The following CD163L1 variants were observed in gnomAD, a reference collection of about 807,000 sequenced individuals.
CD163L1 encodes the protein scavenger receptor cysteine-rich type 1 protein M160.
CD163L1 carries 124 observed loss-of-function variants against 165.4 expected under a neutral mutation model. The ratio of observed to expected loss-of-function variants is 0.75; its 90% CI spans 0.65 to 0.87. The LOEUF (loss-of-function observed/expected upper bound fraction) is 0.87, where lower values mean the gene tolerates loss of function less well. CD163L1 is among the 40% of genes least tolerant of loss of function. The probability of loss-of-function intolerance (pLI) is 0.00; values close to 1 mark genes in which losing one functional copy is unlikely to be tolerated. For missense variants in CD163L1, 1,525 were observed against 1,799.9 expected (o/e 0.85, Z 2.76); for synonymous variants, 585 against 662.2 (o/e 0.88, Z 1.79).
At chr12:7,421,064 T>TATACGTATATATAC (rs1435429769) in intron 4 of CD163L1, among the ~76,000 whole-genome samples, 2 of 87,446 alleles carry the variant, frequency 2.3e-5, no homozygotes, top group East Asian at 4.5e-4. Flanking sequence ...TACGTATATA[T>TATACGTATATATAC]GTATATATAC....
chr12:7,385,787 A>G (rs971841461), intron 8 of CD163L1, among the ~76,000 whole-genome samples: 1 of 152,062 alleles, frequency 6.6e-6, no homozygotes, highest in Admixed American at 6.5e-5. Context: ...TAAGAAGGAA[A>G]TGAAAATATT....
intron 14 of CD163L1, among the ~76,000 whole-genome samples, chr12:7,371,464 A>G (rs1947144854): frequency 6.6e-6 from 1 of 152,190 alleles, no homozygotes; most frequent in Non-Finnish European, 1.5e-5. Flanking sequence ...TCCAATGCTA[A>G]TATCAACAAA....
At chr12:7,415,480 GGTTT>G (rs1291488445) in intron 4 of CD163L1, among the ~76,000 whole-genome samples, 6 of 152,098 alleles carry the variant, frequency 3.9e-5, no homozygotes, top group Non-Finnish European at 8.8e-5. Flanking sequence ...AGAACATGCA[GGTTT>G]GTTACACAGA....
rs779778756 is a variant in CD163L1 at position 7,444,099 on chromosome 12, A to T, written c.29T>A (p.Ile10Asn). 1 of 1,613,788 alleles carries T rather than the reference A, an allele frequency of 6.2e-7. No individual in the cohort carries two copies. Among genetic ancestry groups the T allele is most frequent in the East Asian group, 2.2e-5 (1 of 44,844 alleles). The change falls in exon 1 of 20, where the codon ATT becomes AAT. Residue 10 changes from isoleucine to asparagine, a missense_variant and splice_region_variant. Transcript: ENST00000313599. Reference protein sequence around the residue: MMLPQNSWHIDFGRCCCHQN... With the variant: MMLPQNSWHNDFGRCCCHQN... ...GCAAAATAAAAGCAAAACCTTACCA[A>T]TATGCCACGAGTTTTGAGGCAGCAT...
At chr12:7,325,537 C>T in the CD163L1 span, among the ~76,000 whole-genome samples, 2 of 152,114 alleles carry the variant, frequency 1.3e-5, no homozygotes, top group African/African-American at 2.4e-5. Flanking sequence ...ATCTCAGCTA[C>T]TTAGGAGGCT....
chr12:7,367,294 T>C lies in CD163L1; in HGVS notation c.4221A>G (p.Leu1407=). 6.2e-7 allele frequency: 1 copy of C among 1,613,552 alleles called. No homozygotes were observed. The change falls in exon 18 of 20, where the codon TTA becomes TTG. Residue 1407 remains leucine (L), a synonymous_variant. Coordinates refer to ENST00000313599, the MANE Select transcript of CD163L1 (RefSeq NM_174941.6). ...TGAGGCAGGTCTCCATCTCATGGAA[T>C]AAATTCTCCTCGAGAGAACCCCTCC... is the stretch of plus-strand genomic sequence containing the variant. The part of the protein sequence containing the change: ...TRRRGSLEEN[L]FHEMETCLKR...
rs145411783 is a variant in CD163L1 at position 7,396,373 on chromosome 12, C to A, written c.1772G>T (p.Arg591Leu). Residue 591 changes from arginine (R) to leucine (L), a missense_variant, in exon 8 of 20, where the codon CGC becomes CTC. Coordinates refer to ENST00000313599, the MANE Select transcript of CD163L1 (RefSeq NM_174941.6). ...GTACACCTCCAGTCTTCCCGAGCAG[C>A]GGTTGCTGCCGCCCACCAGCCTCAG... ...WGLRLVGGSN[R>L]CSGRLEVYFQ... The A allele has an allele frequency of 3.7e-3, 5,941 of 1,610,572 alleles. 23 individuals are homozygous for A. Among genetic ancestry groups the A allele is most frequent in the Non-Finnish European group, 3.9e-3 (4,618 of 1,177,430 alleles).
chr12:7,370,309 A>G (rs1947119023), intron 14 of CD163L1, among the ~76,000 whole-genome samples: 1 of 152,190 alleles, frequency 6.6e-6, no homozygotes, highest in African/African-American at 2.4e-5. Flanking sequence ...AACCGGGGTC[A>G]TTTTAAACTT....
In CD163L1 at chr12:7,373,340, T is replaced by C; in HGVS notation, c.3710A>G (p.Glu1237Gly). 1 of 1,612,298 alleles carries C rather than the reference T, an allele frequency of 6.2e-7. No individual in the cohort carries two copies. The highest frequency in any genetic ancestry group is 2.2e-5 in the East Asian group (1 of 44,852). Residue 1237 changes from glutamate to glycine, a missense_variant, in exon 14 of 20, where the codon GAG becomes GGG. Glu to Gly is a moderately conservative substitution (Grantham distance 98). Coordinates refer to ENST00000313599, the MANE Select transcript of CD163L1 (RefSeq NM_174941.6). ...WERRISSPAE[E>G]TWITCEDRIR... ...CCCACCTTCACATGTGATCCAGGTC[T>C]CTTCTGCTGGGCTGGAGATTCTTCG...
intron 2 of CD163L1, among the ~76,000 whole-genome samples, chr12:7,434,066 C>T (rs1948679493): frequency 6.6e-6 from 1 of 152,132 alleles, no homozygotes; most frequent in African/African-American, 2.4e-5. Context: ...TCTGAGGAGT[C>T]CACCTCACAT....
chr12:7,376,050 T>G, intron 9 of CD163L1, 36 bp from the exon 10 acceptor site: 1 of 1,567,996 alleles, frequency 6.4e-7, no homozygotes, highest in Non-Finnish European at 8.6e-7. Flanking sequence ...GTTTTTAGGG[T>G]TTTCCAATAT....
intron 2 of CD163L1, among the ~76,000 whole-genome samples, chr12:7,434,242 AGTC>A (rs1418471869): frequency 6.6e-6 from 1 of 152,216 alleles, no homozygotes; most frequent in Non-Finnish European, 1.5e-5. Context: ...GAGAAGACCT[AGTC>A]GTCCATGATT....
downstream of CD163L1, among the ~76,000 whole-genome samples, chr12:7,350,505 A>G (rs1375959063): frequency 6.6e-6 from 1 of 152,162 alleles, no homozygotes; most frequent in African/African-American, 2.4e-5. Context: ...CATTTACCAC[A>G]TCTTCGTGTC....
intron 4 of CD163L1, among the ~76,000 whole-genome samples, chr12:7,417,189 G>C (rs1431260655): frequency 6.6e-6 from 1 of 152,094 alleles, no homozygotes; most frequent in Non-Finnish European, 1.5e-5. Flanking sequence ...TTGTGAATGG[G>C]AGTTCACTCA....
At chr12:7,421,760 TATATA>T (rs138767665) in intron 4 of CD163L1, among the ~76,000 whole-genome samples, 2,763 of 136,686 alleles carry the variant, frequency 0.02, 64 homozygotes, top group African/African-American at 0.05. Context: ...TATATATATA[TATATA>T]TATATTTTTT....
intron 7 of CD163L1, 144 bp from the exon 8 acceptor site, chr12:7,396,559 C>G (rs142502608): frequency 1.2e-6 from 1 of 801,284 alleles, no homozygotes; most frequent in East Asian, 2.7e-5. Flanking sequence ...ATGTGATTAA[C>G]CTTTAAATTA....
chr12:7,413,368 G>A (rs961421023), intron 4 of CD163L1, among the ~76,000 whole-genome samples: 2 of 152,230 alleles, frequency 1.3e-5, no homozygotes, highest in Middle Eastern at 3.4e-3. Flanking sequence ...GAAAAGATTA[G>A]CACAGCGGAA....
In CD163L1 at chr12:7,374,998, C is replaced by T. The variant is rs1477861758; in HGVS notation, c.3002-75G>A. On this transcript the variant is annotated intron_variant, in intron 11 of 19. Transcript: ENST00000313599. The surrounding 1 kb of genome is among the most constrained non-coding windows in gnomAD (Gnocchi z 5.4). ...AAAAGGTTGAAGAGTTCTGTAACAA[C>T]ATGGAATCTGCAATTGTGATAAGGA... The T allele has an allele frequency of 3.7e-6, 5 of 1,346,734 alleles. No individual in the cohort carries two copies. The highest frequency in any genetic ancestry group is 1.8e-4 in the Middle Eastern group (1 of 5,576). 83.4% of individuals were successfully genotyped at this position (1,346,734 alleles called of 1,614,324 possible). A position where few individuals can be genotyped will look rare whatever the true frequency, so the allele number is the denominator to read the frequency against.
At chr12:7,423,282 G>A (rs1019357468) in intron 4 of CD163L1, among the ~76,000 whole-genome samples, 5 of 152,212 alleles carry the variant, frequency 3.3e-5, no homozygotes, top group African/African-American at 1.2e-4. Flanking sequence ...TGAAACCAAT[G>A]AGAACAAAGA....
Sources: allele counts gnomAD v4.1 joint callset (sites outside exome capture counted in the v4.1 genomes callset), GRCh38; gene constraint gnomAD v4.1.1; non-coding constraint Gnocchi (gnomAD v3.1); transcripts MANE v1.5; gene names NCBI Gene and HGNC (gene_info 2026-07-23, HGNC 2026-07-21).